Variants in GRM7 observed in about 807,000 individuals in gnomAD.
GRM7 encodes metabotropic glutamate receptor 7.
Under a neutral mutation model 84.5 loss-of-function variants are expected in GRM7, and 35 were observed. That is an observed-to-expected ratio of 0.41 (90% confidence interval 0.32 to 0.55). The LOEUF is 0.55. Ranked by LOEUF, GRM7 falls within the 20% of genes least tolerant of loss-of-function variation. The pLI, the probability that GRM7 is intolerant of heterozygous loss-of-function variation, is 0.19. For missense variants in GRM7, 1,003 were observed against 1,194.6 expected (o/e 0.84, Z 2.36); for synonymous variants, 487 against 455.1 (o/e 1.07, Z -0.89).
At chr3:7,058,861 A>G (rs1301745621) in intron 1 of GRM7, among the ~76,000 whole-genome samples, 1 of 151,928 alleles carries the variant, frequency 6.6e-6, no homozygotes, top group Non-Finnish European at 1.5e-5. Flanking sequence ...GCAGAGGAGA[A>G]CAAAGGAAGG....
chr3:7,074,194 G>T (rs539495185), intron 1 of GRM7, among the ~76,000 whole-genome samples: 1 of 152,240 alleles, frequency 6.6e-6, no homozygotes, highest in Admixed American at 6.5e-5. Flanking sequence ...TAACACTGTG[G>T]AGTTGGTCCT....
chr3:7,168,982 T>C (rs1393787411), intron 2 of GRM7, among the ~76,000 whole-genome samples: 1 of 152,226 alleles, frequency 6.6e-6, no homozygotes, highest in Non-Finnish European at 1.5e-5. Context: ...TATGTACACA[T>C]ACTATTTTTG....
At chr3:7,482,706 C>T (rs1481634198) in intron 7 of GRM7, among the ~76,000 whole-genome samples, 2 of 152,088 alleles carry the variant, frequency 1.3e-5, no homozygotes, top group African/African-American at 4.8e-5. Context: ...GAAAGTTGAT[C>T]TAGAGATAAA....
chr3:7,541,352 T>G (rs1692875449), intron 7 of GRM7, among the ~76,000 whole-genome samples: 1 of 152,172 alleles, frequency 6.6e-6, no homozygotes, highest in Non-Finnish European at 1.5e-5. Context: ...GGCATGATTT[T>G]GGGGCCGTAT....
intron 2 of GRM7, among the ~76,000 whole-genome samples, chr3:7,177,724 A>C (rs1695202144): frequency 6.6e-6 from 1 of 152,158 alleles, no homozygotes; most frequent in Non-Finnish European, 1.5e-5. Context: ...ATGATATATA[A>C]TGTGTTTTTA....
intron 8 of GRM7, among the ~76,000 whole-genome samples, chr3:7,593,573 G>A (rs545286297): frequency 1.3e-5 from 2 of 152,314 alleles, no homozygotes; most frequent in South Asian, 2.1e-4. Flanking sequence ...GCTTCTTGGA[G>A]GAGGTGCTCT....
intron 2 of GRM7, among the ~76,000 whole-genome samples, chr3:7,296,734 A>G (rs1409246647): frequency 6.6e-6 from 1 of 151,856 alleles, no homozygotes; most frequent in Non-Finnish European, 1.5e-5. Context: ...TCATTCCTAA[A>G]TAGGGTCATT....
chr3:7,489,074 A>G (rs2124947578), intron 7 of GRM7, among the ~76,000 whole-genome samples: 1 of 152,256 alleles, frequency 6.6e-6, no homozygotes, highest in Non-Finnish European at 1.5e-5. Context: ...AAATTCATTT[A>G]ATAACCACTC....
At chr3:6,870,205 G>A (rs1204816258) in intron 1 of GRM7, among the ~76,000 whole-genome samples, 3 of 152,108 alleles carry the variant, frequency 2.0e-5, no homozygotes, top group Admixed American at 2.0e-4. Context: ...GAAGATGGTC[G>A]GGTTGGTAGT....
intron 4 of GRM7, among the ~76,000 whole-genome samples, chr3:7,316,181 G>A (rs1170151320): frequency 2.0e-5 from 3 of 152,144 alleles, no homozygotes; most frequent in African/African-American, 7.2e-5. Flanking sequence ...GCACAGTGAG[G>A]AAGAGGGAGA....
chr3:7,730,560 A>C (rs1702291658), intron 9 of GRM7, among the ~76,000 whole-genome samples: 3 of 152,202 alleles, frequency 2.0e-5, no homozygotes, highest in African/African-American at 7.2e-5. Context: ...GTACACTGTG[A>C]GTTCTTAGTA....
intron 6 of GRM7, among the ~76,000 whole-genome samples, chr3:7,458,598 A>C (rs149545751): frequency 5.3e-5 from 8 of 152,286 alleles, no homozygotes; most frequent in Admixed American, 2.6e-4. Context: ...TTTAATGAGA[A>C]TGGAAAGGGC....
Position 6,863,118 on chromosome 3 carries a change from C to A in GRM7, c.519+1211C>A. 2.9e-6 allele frequency: 1 copy of A among 350,716 alleles called. No individual in the cohort carries two copies. The highest frequency in any genetic ancestry group is 2.1e-5 in the South Asian group (1 of 48,706). 21.7% of individuals were successfully genotyped at this position (350,716 alleles called of 1,614,324 possible). A position where few individuals can be genotyped will look rare whatever the true frequency, so the allele number is the denominator to read the frequency against. On this transcript the variant is annotated intron_variant, in intron 1 of 9. Coordinates refer to ENST00000357716, the MANE Select transcript of GRM7 (RefSeq NM_000844.4). This position sits in a 1 kb window ranked among gnomAD's most constrained non-coding sequence, Gnocchi z 4.8. ...TCACTCTCTCTTTCTGTCTCTGTCTCCTTGCTGTTTTTTTTTTCTCTCTGT... is the reference window on the plus strand; with the variant it reads ...TCACTCTCTCTTTCTGTCTCTGTCTACTTGCTGTTTTTTTTTTCTCTCTGT...
At chr3:6,976,532 C>G (rs1331070165) in intron 1 of GRM7, among the ~76,000 whole-genome samples, 2 of 152,198 alleles carry the variant, frequency 1.3e-5, no homozygotes, top group Non-Finnish European at 2.9e-5. Flanking sequence ...GTCATTGTAA[C>G]TAAGGATTAA....
intron 1 of GRM7, among the ~76,000 whole-genome samples, chr3:7,071,030 T>C (rs1697860384): frequency 6.6e-6 from 1 of 152,086 alleles, no homozygotes; most frequent in South Asian, 2.1e-4. Context: ...CAGTGTTTAT[T>C]TTCCATAAAA....
intron 4 of GRM7, among the ~76,000 whole-genome samples, chr3:7,399,176 G>A (rs1695341182): frequency 1.2e-5 from 1 of 86,342 alleles, no homozygotes. Flanking sequence ...AAAACAACAA[G>A]AACAATAATA....
intron 1 of GRM7, among the ~76,000 whole-genome samples, chr3:7,029,906 T>C (rs898657722): frequency 6.6e-6 from 1 of 152,226 alleles, no homozygotes; most frequent in African/African-American, 2.4e-5. Flanking sequence ...TATACATTTA[T>C]GTATAATATC....
At chr3:7,637,701 G>A (rs1402437033) in intron 8 of GRM7, among the ~76,000 whole-genome samples, 1 of 152,204 alleles carries the variant, frequency 6.6e-6, no homozygotes, top group African/African-American at 2.4e-5. Context: ...TGGCCGTAGT[G>A]ACAGGTTGGT....
chr3:6,961,806 T>C (rs1197338146), intron 1 of GRM7, among the ~76,000 whole-genome samples: 1 of 152,134 alleles, frequency 6.6e-6, no homozygotes, highest in Non-Finnish European at 1.5e-5. Flanking sequence ...TGGAGCCCTG[T>C]CCTCATGCAG....
Sources: gnomAD v4.1 joint callset for allele counts (sites outside exome capture counted in the v4.1 genomes callset) on GRCh38, gnomAD v4.1.1 for gene constraint, Gnocchi (gnomAD v3.1) non-coding constraint, MANE v1.5 for transcripts, NCBI Gene and HGNC (gene_info 2026-07-23, HGNC 2026-07-21) for gene names.